Variants in NKAIN3 observed in about 807,000 individuals in gnomAD.
The protein encoded by NKAIN3 is sodium/potassium transporting ATPase interacting 3, also known as sodium/potassium-transporting ATPase subunit beta-1-interacting protein 3.
Under a neutral mutation model 30.2 loss-of-function variants are expected in NKAIN3, and 25 were observed. That is an observed-to-expected ratio of 0.83 (90% confidence interval 0.60 to 1.16). NKAIN3 has a LOEUF of 1.16. NKAIN3 is among the 50% of genes most tolerant of loss of function. The probability of loss-of-function intolerance (pLI) is 0.00; values close to 1 mark genes in which losing one functional copy is unlikely to be tolerated. For missense variants in NKAIN3, 225 were observed against 254.1 expected (o/e 0.89, Z 0.78); for synonymous variants, 91 against 89.6 (o/e 1.02, Z -0.09).
At position 62,286,357 on chromosome 8, in the gene NKAIN3, CTT is replaced by C. The variant is rs1408414509; in HGVS notation, c.54+37233_54+37234del. The stretch of plus-strand genomic sequence containing the variant: ...AATATAGTGGTTAGCATCCTTGACT[CTT>C]TTGTATTTATATAAAAGAAGATACA... On this transcript the variant is annotated intron_variant, in intron 1 of 6. Coordinates refer to ENST00000623646, the MANE Select transcript of NKAIN3 (RefSeq NM_001304533.3). Among the ~76,000 whole-genome samples, 3 of 152,022 alleles carry C rather than the reference CTT, an allele frequency of 2.0e-5. No homozygotes were observed. The East Asian group carries it at 5.8e-4, about 29-fold the overall frequency.
chr8:62,408,627 C>T (rs1343748350), intron 1 of NKAIN3, among the ~76,000 whole-genome samples: 1 of 152,020 alleles, frequency 6.6e-6, no homozygotes, highest in East Asian at 1.9e-4. Context: ...AGAGGTGATT[C>T]GTGTCTGGCA....
At chr8:62,426,262 T>C (rs1277468124) in intron 1 of NKAIN3, among the ~76,000 whole-genome samples, 2 of 151,974 alleles carry the variant, frequency 1.3e-5, no homozygotes, top group Non-Finnish European at 2.9e-5. Context: ...GAGGAATGCA[T>C]GAAAAATTTG....
At chr8:62,685,757 C>A (rs908486967) in intron 3 of NKAIN3, among the ~76,000 whole-genome samples, 2 of 152,120 alleles carry the variant, frequency 1.3e-5, no homozygotes, top group Non-Finnish European at 2.9e-5. Context: ...GTTTCTCTAG[C>A]AAGTATGGTG....
At chr8:62,750,939 C>A (rs1046308796) in intron 4 of NKAIN3, among the ~76,000 whole-genome samples, 1 of 152,148 alleles carries the variant, frequency 6.6e-6, no homozygotes, top group East Asian at 1.9e-4. Context: ...CCTAAATAAT[C>A]TTCCCCACCA....
intron 3 of NKAIN3, among the ~76,000 whole-genome samples, chr8:62,729,363 A>C (rs953399914): frequency 1.3e-5 from 2 of 152,156 alleles, no homozygotes; most frequent in African/African-American, 4.8e-5. Context: ...CAGAACACCA[A>C]CACCACCAAA....
chr8:62,713,394 A>G (rs184415046), intron 3 of NKAIN3, among the ~76,000 whole-genome samples: 1 of 152,352 alleles, frequency 6.6e-6, no homozygotes, highest in East Asian at 1.9e-4. Context: ...TGCCTTTAAC[A>G]AATTAATGAA....
At chr8:62,653,584 A>G (rs16929366) in intron 3 of NKAIN3, among the ~76,000 whole-genome samples, 5,859 of 152,278 alleles carry the variant, frequency 0.038, 175 homozygotes, top group African/African-American at 0.083. Context: ...AAGTTATTGC[A>G]ACCTGATAGT....
At chr8:62,425,727 A>AT (rs1391249718) in intron 1 of NKAIN3, among the ~76,000 whole-genome samples, 1 of 151,994 alleles carries the variant, frequency 6.6e-6, no homozygotes, top group Non-Finnish European at 1.5e-5. Context: ...TTAAAGAATG[A>AT]TAAATTGATG....
At chr8:62,557,805 T>G (rs1809454019) in intron 1 of NKAIN3, among the ~76,000 whole-genome samples, 1 of 152,194 alleles carries the variant, frequency 6.6e-6, no homozygotes, top group South Asian at 2.1e-4. Flanking sequence ...TTCTGGATAT[T>G]AGTCCTTTGT....
chr8:62,682,681 G>T (rs1158775027), intron 3 of NKAIN3, among the ~76,000 whole-genome samples: 1 of 152,096 alleles, frequency 6.6e-6, no homozygotes, highest in African/African-American at 2.4e-5. Context: ...TAAGTTGCAT[G>T]GGAGTGGGGT....
intron 3 of NKAIN3, among the ~76,000 whole-genome samples, chr8:62,695,530 T>A (rs886288603): frequency 2.0e-5 from 3 of 152,186 alleles, no homozygotes; most frequent in African/African-American, 4.8e-5. Flanking sequence ...GAAAACAGAA[T>A]CTGCAATACG....
At chr8:62,458,427 T>C (rs2129599307) in intron 1 of NKAIN3, among the ~76,000 whole-genome samples, 1 of 152,222 alleles carries the variant, frequency 6.6e-6, no homozygotes, top group African/African-American at 2.4e-5. Context: ...GACTGCAGAG[T>C]AATGTGTGTT....
intron 1 of NKAIN3, among the ~76,000 whole-genome samples, chr8:62,414,899 C>T (rs1038242709): frequency 1.3e-5 from 2 of 151,410 alleles, no homozygotes; most frequent in Admixed American, 6.6e-5. Context: ...ACCCAGCACA[C>T]TTTCAAGTCA....
At chr8:62,756,266 A>G (rs964203538) in intron 4 of NKAIN3, among the ~76,000 whole-genome samples, 14 of 152,114 alleles carry the variant, frequency 9.2e-5, no homozygotes, top group African/African-American at 3.4e-4. Context: ...CCCCAGCTCT[A>G]AGAAACTACT....
At chr8:62,293,378 T>G (rs1013730966) in intron 1 of NKAIN3, among the ~76,000 whole-genome samples, 1 of 152,194 alleles carries the variant, frequency 6.6e-6, no homozygotes, top group African/African-American at 2.4e-5. Flanking sequence ...TTATCTACCT[T>G]TGGTCTTTGA....
chr8:62,687,623 C>A (rs1813840202), intron 3 of NKAIN3, among the ~76,000 whole-genome samples: 2 of 152,152 alleles, frequency 1.3e-5, no homozygotes, highest in Admixed American at 1.3e-4. Context: ...ATGGCTCTAC[C>A]CAAAAATGAG....
chr8:62,763,221 C>CAAAAAAAAAAAAAAAAAAAAAAAAAAA (rs55873861), intron 4 of NKAIN3, among the ~76,000 whole-genome samples: 1 of 47,188 alleles, frequency 2.1e-5, no homozygotes, highest in Non-Finnish European at 4.5e-5. Context: ...GACTCCGTCT[C>CAAAAAAAAAAAAAAAAAAAAAAAAAAA]AAAAAAAAAA....
intron 1 of NKAIN3, among the ~76,000 whole-genome samples, chr8:62,312,215 T>A (rs935077108): frequency 6.6e-6 from 1 of 150,816 alleles, no homozygotes; most frequent in African/African-American, 2.5e-5. Flanking sequence ...ATTCAATGGA[T>A]ACTTTTAAAA....
intron 4 of NKAIN3, among the ~76,000 whole-genome samples, chr8:62,774,668 G>A (rs766453096): frequency 3.9e-5 from 6 of 152,036 alleles, no homozygotes; most frequent in Non-Finnish European, 8.8e-5. Context: ...CTGATCACAT[G>A]GTTTTTGTAC....
Sources: allele counts gnomAD v4.1 joint callset (sites outside exome capture counted in the v4.1 genomes callset), GRCh38; gene constraint gnomAD v4.1.1; transcripts MANE v1.5; gene names NCBI Gene and HGNC (gene_info 2026-07-23, HGNC 2026-07-21).